Variants in C11orf65 observed in about 807,000 individuals in gnomAD.
C11orf65 encodes chromosome 11 open reading frame 65.
Under a neutral mutation model 35.3 loss-of-function variants are expected in C11orf65, and 38 were observed. The observed-to-expected ratio is 1.08, with a 90% CI of 0.83 to 1.41. C11orf65 has a LOEUF of 1.41. Ranked by LOEUF, C11orf65 falls within the 40% of genes most tolerant of loss-of-function variation. C11orf65 has a pLI of 0.00. For missense variants in C11orf65, 370 were observed against 367.1 expected, an observed-to-expected ratio of 1.01 and a Z score of -0.06; for synonymous variants, 105 against 114.4, an observed-to-expected ratio of 0.92 and a Z score of 0.53.
intron 6 of C11orf65, chr11:108,312,463 GA>G: frequency 6.3e-7 from 1 of 1,594,342 alleles, no homozygotes; most frequent in Non-Finnish European, 8.6e-7. Flanking sequence ...TAGCTTGAGT[GA>G]AAAAAGTAAA....
At chr11:108,366,387 ATTTTTAATGTT>A (rs941488241) in intron 2 of C11orf65, 5 of 216,374 alleles carry the variant, frequency 2.3e-5, no homozygotes, top group African/African-American at 1.1e-4. Flanking sequence ...TCTTGATGTC[ATTTTTAATGTT>A]TTTTTAATGT....
At chr11:108,431,620 A>G (rs1322492270) in intron 3 of C11orf65, 126 bp downstream of exon 3, 6 of 456,942 alleles carry the variant, frequency 1.3e-5, no homozygotes, top group African/African-American at 6.0e-5. Flanking sequence ...AACTTTCAAC[A>G]TATGTGTAAT....
In C11orf65 at chr11:108,331,557, T is replaced by C. The variant is rs767123895; in HGVS notation, c.311A>G (p.His104Arg). The change falls in exon 4 of 4, where the codon CAT becomes CGT. Residue 104 changes from histidine (H) to arginine (R), a missense_variant. Coordinates refer to the C11orf65 transcript ENST00000524755. ...TAGGATTTCATGAAGTCCTCAATAA[T>C]GTAAGTAAACCTGAAAATCAAACCA... is the stretch of plus-strand genomic sequence containing the variant. 6 of 1,608,828 alleles carry C rather than the reference T, an allele frequency of 3.7e-6. No individual in the cohort carries two copies. The African/African-American group carries it at 5.3e-5, about 14-fold the overall frequency.
chr11:108,377,446 A>G (rs894311533), intron 2 of C11orf65, among the ~76,000 whole-genome samples: 1 of 152,038 alleles, frequency 6.6e-6, no homozygotes, highest in Non-Finnish European at 1.5e-5. Flanking sequence ...CATGCTAAAA[A>G]CTCTCAATAA....
exon 3 of C11orf65, chr11:108,335,266 A>G (rs1175021905): frequency 1.3e-6 from 2 of 1,527,044 alleles, no homozygotes; most frequent in Non-Finnish European, 1.8e-6. Context: ...TTCTAGAACC[A>G]GGCTTTTCTC....
chr11:108,388,958 C>T (rs1471486968), intron 7 of C11orf65, among the ~76,000 whole-genome samples: 3 of 152,206 alleles, frequency 2.0e-5, no homozygotes, highest in Admixed American at 6.5e-5. Context: ...AGTTGCAGTA[C>T]GCATCTGAAG....
intron 6 of C11orf65, among the ~76,000 whole-genome samples, chr11:108,402,832 A>G (rs1204787274): frequency 2.6e-5 from 4 of 152,128 alleles, no homozygotes; most frequent in African/African-American, 9.7e-5. Flanking sequence ...GGAATCATAC[A>G]GTATGTATTC....
At chr11:108,382,714 A>T, downstream of C11orf65, 1 of 930,522 alleles carries the variant, frequency 1.1e-6, no homozygotes, top group Non-Finnish European at 1.3e-6. Context: ...AATGCACTAA[A>T]TGCCTCAAGT....
At chr11:108,416,454 G>C (rs562117002) in intron 3 of C11orf65, among the ~76,000 whole-genome samples, 1 of 152,166 alleles carries the variant, frequency 6.6e-6, no homozygotes, top group Non-Finnish European at 1.5e-5. Flanking sequence ...GGCTGAGGCA[G>C]GTGGATCACT....
At position 108,441,975 on chromosome 11, in the gene C11orf65, T is replaced by TTGA. The variant is rs1175730859; in HGVS notation, c.82-10140_82-10138dup. On this transcript the variant is annotated intron_variant, in intron 2 of 8. Coordinates refer to ENST00000393084, the MANE Select transcript of C11orf65 (RefSeq NM_152587.5). Reference sequence around the variant, plus strand: ...GAACAAAGCTGGATGGAAAATGACTTTGATGAGTTGAGAGAAGAAGGCTTC... The same window carrying TTGA: ...GAACAAAGCTGGATGGAAAATGACTTTGATGATGAGTTGAGAGAAGAAGGCTTC... Among the ~76,000 whole-genome samples the TTGA allele has an allele frequency of 3.3e-5, 5 of 152,250 alleles. No individual in the cohort carries two copies. In the East Asian group the frequency reaches 9.7e-4, roughly 29 times the overall value.
In C11orf65 at chr11:108,308,996, A is replaced by C. The variant is rs775063343; in HGVS notation, c.716T>G (p.Val239Gly). Residue 239 changes from valine (V) to glycine (G), a missense_variant, in exon 7 of 7, where the codon GTC becomes GGC. Transcript: ENST00000525729. ...TTACCATTGGGGTAGAATGGTGTTG[A>C]CATTAGCAGGAGTTGGAGAAGATAA... 8.5e-6 allele frequency: 13 copies of C among 1,527,524 alleles called. No homozygotes were observed. The South Asian group carries it at 1.6e-4, about 18-fold the overall frequency. The allele number at this position is 1,527,524 out of a possible 1,614,324, so 94.6% of individuals were successfully genotyped here.
chr11:108,467,443 G>C (rs1175772384), intron 1 of C11orf65, 28 bp downstream of exon 1: 1 of 152,338 alleles, frequency 6.6e-6, no homozygotes, highest in Non-Finnish European at 1.5e-5. Context: ...TACGCGCTGA[G>C]AGAAGGGACA....
At chr11:108,378,946 A>C (rs1218109284), downstream of C11orf65, among the ~76,000 whole-genome samples, 1 of 152,138 alleles carries the variant, frequency 6.6e-6, no homozygotes, top group African/African-American at 2.4e-5. Flanking sequence ...CACACCAGTT[A>C]GAGTGGCGAT....
Position 108,312,515 on chromosome 11 carries a change from C to T in C11orf65, c.641-3444G>A, listed in dbSNP as rs1218097012. On this transcript the variant is annotated intron_variant, in intron 6 of 6. Transcript: ENST00000525729. ...AGTTTACAGGTAAATATTAGAGGCTCTATTATTTATGACAGTATTTATCTC... is the reference window on the plus strand; with the variant it reads ...AGTTTACAGGTAAATATTAGAGGCTTTATTATTTATGACAGTATTTATCTC... 6.7e-7 allele frequency: 1 copy of T among 1,503,654 alleles called. No homozygotes were observed. The highest frequency in any genetic ancestry group is 9.3e-7 in the Non-Finnish European group (1 of 1,080,428). 93.1% of individuals were successfully genotyped at this position (1,503,654 alleles called of 1,614,324 possible).
intron 3 of C11orf65, among the ~76,000 whole-genome samples, chr11:108,427,654 G>A (rs1205138115): frequency 2.2e-5 from 3 of 133,866 alleles, no homozygotes; most frequent in Non-Finnish European, 4.7e-5. Flanking sequence ...CCCGGGAGGC[G>A]GAGCTTGCAG....
chr11:108,335,915 GAA>G lies in C11orf65; in HGVS notation c.227-625_227-624del, dbSNP rs1162534390. 1 of 1,614,012 alleles carries G rather than the reference GAA, an allele frequency of 6.2e-7. No individual in the cohort carries two copies. The highest frequency in any genetic ancestry group is 2.2e-5 in the East Asian group (1 of 44,870). The stretch of plus-strand genomic sequence containing the variant: ...CAGATGTGTAATACATTACTGCAGA[GAA>G]ACACGGAAACTAGGAAGAGGAAATT... On this transcript the variant is annotated intron_variant, in intron 2 of 3. Coordinates refer to the C11orf65 transcript ENST00000524755.
At chr11:108,369,324 T>C (rs1257644122) in intron 2 of C11orf65, among the ~76,000 whole-genome samples, 1 of 152,184 alleles carries the variant, frequency 6.6e-6, no homozygotes, top group Non-Finnish European at 1.5e-5. Context: ...TAGTAGTGTT[T>C]CTTAGTCGCC....
chr11:108,318,706 A>C (rs970548675), intron 6 of C11orf65, among the ~76,000 whole-genome samples: 33 of 151,804 alleles, frequency 2.2e-4, no homozygotes, highest in African/African-American at 6.8e-4. Context: ...CAAAAAAAAC[A>C]CTCAGTTACC....
chr11:108,427,635 T>C (rs1047235850), intron 3 of C11orf65, among the ~76,000 whole-genome samples: 12 of 124,404 alleles, frequency 9.6e-5, no homozygotes, highest in Admixed American at 3.1e-4. Context: ...GGCAGGAGAA[T>C]GGCGTGAACC....
Sources: allele counts gnomAD v4.1 joint callset (sites outside exome capture counted in the v4.1 genomes callset), GRCh38; gene constraint gnomAD v4.1.1; transcripts MANE v1.5; gene names NCBI Gene and HGNC (gene_info 2026-07-23, HGNC 2026-07-21).